The following ERICH3 variants were observed in gnomAD, a reference collection of about 807,000 sequenced individuals.
ERICH3 encodes the protein glutamate-rich protein 3.
ERICH3 carries 126 observed loss-of-function variants against 131.1 expected under a neutral mutation model. The observed-to-expected ratio is 0.96, with a 90% CI of 0.83 to 1.11. ERICH3 has a LOEUF of 1.11. ERICH3 is among the 50% of genes most tolerant of loss of function. The pLI is 0.00. For synonymous variants in ERICH3, 695 were observed against 644.6 expected (o/e 1.08, Z -1.18); for missense variants, 2,050 against 1,810.7 (o/e 1.13, Z -2.40).
At chr1:74,674,114 G>C (rs962723382), upstream of ERICH3, among the ~76,000 whole-genome samples, 1 of 152,046 alleles carries the variant, frequency 6.6e-6, no homozygotes, top group African/African-American at 2.4e-5. Context: ...AAAGAAGGAC[G>C]TCTCTCAATC....
intron 1 of ERICH3, among the ~76,000 whole-genome samples, chr1:74,664,920 C>T (rs1646675347): frequency 6.6e-6 from 1 of 152,086 alleles, no homozygotes; most frequent in Admixed American, 6.6e-5. Flanking sequence ...TTTTTGTTAG[C>T]TTTGACTTTT....
At chr1:74,672,913 A>T (rs566494987) in intron 1 of ERICH3, among the ~76,000 whole-genome samples, 1 of 151,796 alleles carries the variant, frequency 6.6e-6, no homozygotes, top group South Asian at 2.1e-4. Flanking sequence ...CAGGCACACA[A>T]CTCCTCCCTC....
At chr1:74,649,343 CT>C (rs2100642455) in intron 1 of ERICH3, 28 bp from the exon 2 acceptor site, 1 of 1,558,772 alleles carries the variant, frequency 6.4e-7, no homozygotes. Flanking sequence ...AACCAATAAG[CT>C]TTTACAAGGG....
rs1340939792 is a variant in ERICH3, at chr1:74,571,720, C to A, written c.3990G>T (p.Glu1330Asp). 2.5e-6 allele frequency: 4 copies of A among 1,614,176 alleles called. No individual in the cohort carries two copies. The East Asian group carries it at 8.9e-5, about 36-fold the overall frequency. ...CCACAACCCTTCCTCCTCCCATGCCCTCATTCTTTTGTGTGTTTCCTTCTC... is the reference window on the plus strand; with the variant it reads ...CCACAACCCTTCCTCCTCCCATGCCATCATTCTTTTGTGTGTTTCCTTCTC... ...MEGEGNTQKN[E>D]GMGGGRVVAV... Residue 1330 changes from glutamate (E) to aspartate (D), a missense_variant, in exon 14 of 15, where the codon GAG becomes GAT. Transcript: ENST00000326665.
chr1:74,643,260 T>C (rs1271227937), intron 3 of ERICH3, among the ~76,000 whole-genome samples, 162 bp from the exon 4 acceptor site: 1 of 152,152 alleles, frequency 6.6e-6, no homozygotes, highest in Non-Finnish European at 1.5e-5. Flanking sequence ...GAATGTAAAT[T>C]GGTGCAACTA....
chr1:74,656,327 T>C (rs1011291103), intron 1 of ERICH3, among the ~76,000 whole-genome samples: 1 of 152,186 alleles, frequency 6.6e-6, no homozygotes, highest in African/African-American at 2.4e-5. Context: ...CCTTGGCATT[T>C]AGTGTTTCTT....
rs1415235185 is a variant in ERICH3, at chr1:74,571,225, T to G, written c.4485A>C (p.Ala1495=). 6.2e-7 allele frequency: 1 copy of G among 1,614,080 alleles called. No individual in the cohort carries two copies. The highest frequency in any genetic ancestry group is 1.1e-5 in the South Asian group (1 of 91,078). ...TGAAATCAGGCTTCACTGGAAGTGTTGCCATCGCCTGTAGACTCTCCGGAC... is the reference window on the plus strand; with the variant it reads ...TGAAATCAGGCTTCACTGGAAGTGTGGCCATCGCCTGTAGACTCTCCGGAC... The part of the protein sequence containing the change: ...ELSPESLQAM[A]TLPVKPDFTE... The change falls in exon 14 of 15, where the codon GCA becomes GCC. Residue 1495 remains alanine (A), a synonymous_variant. Coordinates refer to ENST00000326665, the MANE Select transcript of ERICH3 (RefSeq NM_001002912.5).
rs1220079714 is a variant in ERICH3 at position 74,573,033 on chromosome 1, A to G, written c.2677T>C (p.Ser893Pro). 2 of 1,613,990 alleles carry G rather than the reference A, an allele frequency of 1.2e-6. No individual in the cohort carries two copies. Among genetic ancestry groups the G allele is most frequent in the African/African-American group, 2.7e-5 (2 of 74,900 alleles). ...TTCTCTAAACCCTGTTCCCCTTCAG[A>G]AGCTGCTTTGTCTGTCTCAAGCACT... is the stretch of plus-strand genomic sequence containing the variant. ...LTVLETDKAASEGEQGLEKAV... is the reference protein window; with the variant it reads ...LTVLETDKAAPEGEQGLEKAV... The change falls in exon 14 of 15, where the codon TCT (serine) becomes CCT (proline). Residue 893 changes from serine (S) to proline (P), a missense_variant. Physicochemically the swap from Ser to Pro is moderately conservative, Grantham distance 74. Transcript: ENST00000326665.
intron 11 of ERICH3, among the ~76,000 whole-genome samples, chr1:74,594,751 TTGTC>T (rs1647770028): frequency 6.6e-6 from 1 of 152,116 alleles, no homozygotes; most frequent in East Asian, 1.9e-4. Flanking sequence ...AGTAGCCAAA[TTGTC>T]TGTTTTAAAC....
At chr1:74,648,761 T>C (rs1646506156) in intron 2 of ERICH3, among the ~76,000 whole-genome samples, 1 of 152,130 alleles carries the variant, frequency 6.6e-6, no homozygotes, top group South Asian at 2.1e-4. Context: ...ACACTAATAT[T>C]ATCAATAAAC....
chr1:74,630,100 A>G (rs1649541889), intron 7 of ERICH3, among the ~76,000 whole-genome samples: 1 of 152,192 alleles, frequency 6.6e-6, no homozygotes, highest in East Asian at 1.9e-4. Context: ...GAGCATGAAC[A>G]GGTAGAATGT....
chr1:74,579,686 A>G, intron 12 of ERICH3: 1 of 985,368 alleles, frequency 1.0e-6, no homozygotes, highest in South Asian at 4.7e-5. Flanking sequence ...TCTAACCTCA[A>G]CTGTTTTCCA....
At chr1:74,611,340 C>T (rs2100595241) in intron 9 of ERICH3, among the ~76,000 whole-genome samples, 1 of 152,192 alleles carries the variant, frequency 6.6e-6, no homozygotes, top group South Asian at 2.1e-4. Flanking sequence ...TATCTCATTC[C>T]CTGCATCCAA....
chr1:74,607,719 T>C (rs1034242550), intron 9 of ERICH3, among the ~76,000 whole-genome samples: 1 of 151,984 alleles, frequency 6.6e-6, no homozygotes, highest in African/African-American at 2.4e-5. Flanking sequence ...CTGAATGCAT[T>C]ATGACATTAA....
At chr1:74,642,891 G>C in intron 4 of ERICH3, 136 bp downstream of exon 4, 2 of 618,318 alleles carry the variant, frequency 3.2e-6, no homozygotes, top group South Asian at 4.2e-5. Context: ...ATTTAGGCTT[G>C]GTGAACCATC....
At chr1:74,661,267 C>T (rs1646638837) in intron 1 of ERICH3, among the ~76,000 whole-genome samples, 1 of 152,000 alleles carries the variant, frequency 6.6e-6, no homozygotes, top group Admixed American at 6.5e-5. Flanking sequence ...GTCTTTCTAC[C>T]ATTTGTCAAT....
chr1:74,658,934 G>A (rs1570915590), intron 1 of ERICH3, among the ~76,000 whole-genome samples: 1 of 152,182 alleles, frequency 6.6e-6, no homozygotes, highest in Non-Finnish European at 1.5e-5. Context: ...CAAGTAAAGA[G>A]CTTAGCGCAG....
intron 12 of ERICH3, among the ~76,000 whole-genome samples, chr1:74,579,121 T>C (rs1647130441): frequency 6.6e-6 from 1 of 152,116 alleles, no homozygotes; most frequent in Non-Finnish European, 1.5e-5. Context: ...ACAAACATAA[T>C]ACATGAGTTA....
intron 2 of ERICH3, 116 bp from the exon 3 acceptor site, chr1:74,646,908 A>T: frequency 2.9e-6 from 1 of 345,232 alleles, no homozygotes; most frequent in East Asian, 4.7e-5. Context: ...ACACACACAC[A>T]CACACACAGA....
Sources: gnomAD v4.1 joint callset for allele counts (sites outside exome capture counted in the v4.1 genomes callset) on GRCh38, gnomAD v4.1.1 for gene constraint, MANE v1.5 for transcripts, NCBI Gene and HGNC (gene_info 2026-07-23, HGNC 2026-07-21) for gene names.